MAF: variants seen among roughly 807,000 people sequenced by gnomAD.
MAF encodes the protein MAF bZIP transcription factor, also known as transcription factor Maf.
A neutral mutation model predicts 22.0 loss-of-function variants in MAF; 10 were observed. That is an observed-to-expected ratio of 0.45 (90% CI 0.28 to 0.77). MAF has a LOEUF of 0.77. Ranked by LOEUF, MAF falls within the 30% of genes least tolerant of loss-of-function variation. The probability of loss-of-function intolerance (pLI) is 0.12; values close to 1 mark genes in which losing one functional copy is unlikely to be tolerated. For synonymous variants in MAF, 337 were observed against 255.8 expected (o/e 1.32, Z -3.03); for missense variants, 544 against 548.4 (o/e 0.99, Z 0.08).
chr16:79,213,121 C>T, the MAF span, among the ~76,000 whole-genome samples: 1 of 152,136 alleles, frequency 6.6e-6, no homozygotes. Context: ...GATTTCCAGC[C>T]CGTTCCAGCA....
the MAF span, among the ~76,000 whole-genome samples, chr16:79,491,480 C>A: frequency 1.0e-3 from 153 of 152,228 alleles, no homozygotes; most frequent in Middle Eastern, 6.8e-3. Context: ...GAGTCCCAGT[C>A]AATTCTGAAG....
chr16:79,392,249 G>C, the MAF span, among the ~76,000 whole-genome samples: 1 of 147,914 alleles, frequency 6.8e-6, no homozygotes, highest in Non-Finnish European at 1.5e-5. Flanking sequence ...AGAGGAGAAA[G>C]AGAGAAAAGA....
chr16:79,369,237 A>C, the MAF span, among the ~76,000 whole-genome samples: 1 of 152,172 alleles, frequency 6.6e-6, no homozygotes, highest in Non-Finnish European at 1.5e-5. Flanking sequence ...AGATCCATTA[A>C]ATGATTTGGG....
rs1348434035 is a variant in MAF at position 79,599,177 on chromosome 16, C to T, written c.726G>A (p.Ala242=). The change falls in exon 1 of 2, where the codon GCG becomes GCA. Residue 242 remains alanine, a synonymous_variant. Coordinates refer to ENST00000326043, the MANE Select transcript of MAF (RefSeq NM_005360.5). ...CGTGGTGCGGGTGCAGGGCGCCCCC[C>T]GCCCCCGCCGCGCCCCCGCCGCCTC... is the stretch of plus-strand genomic sequence containing the variant. The part of the protein sequence containing the change: ...GGGGGGGAAG[A]GGALHPHHAA... The T allele has an allele frequency of 6.8e-6, 8 of 1,178,990 alleles. No individual in the cohort carries two copies. The Middle Eastern group carries it at 1.0e-3, about 150-fold the overall frequency. 73.0% of individuals were successfully genotyped at this position (1,178,990 alleles called of 1,614,324 possible). A position where few individuals can be genotyped will look rare whatever the true frequency, so the allele number is the denominator to read the frequency against.
the MAF span, chr16:79,505,519 C>T: frequency 5.9e-5 from 9 of 152,170 alleles, no homozygotes; most frequent in African/African-American, 2.2e-4. Context: ...CCAGTATGTC[C>T]GGAAGCTCTT....
chr16:79,376,124 C>CA, the MAF span, among the ~76,000 whole-genome samples: 189 of 149,568 alleles, frequency 1.3e-3, 1 homozygote, highest in Non-Finnish European at 1.8e-3. Context: ...AAAAAAAGAG[C>CA]AAAAAAAAAT....
the MAF span, among the ~76,000 whole-genome samples, chr16:79,468,336 T>G: frequency 6.6e-6 from 1 of 152,186 alleles, no homozygotes; most frequent in African/African-American, 2.4e-5. Flanking sequence ...GGGATGCCCC[T>G]GCCTGTGTCC....
At chr16:79,243,528 T>G in the MAF span, among the ~76,000 whole-genome samples, 5 of 152,010 alleles carry the variant, frequency 3.3e-5, no homozygotes, top group East Asian at 9.6e-4. Context: ...AGAAGTAGAA[T>G]CCCTGAATAG....
At chr16:79,543,259 T>C in the MAF span, among the ~76,000 whole-genome samples, 4 of 152,330 alleles carry the variant, frequency 2.6e-5, no homozygotes, top group South Asian at 8.3e-4. Context: ...CCCAGTATCT[T>C]GGAGACAGGC....
In MAF at chr16:79,599,813, A is replaced by G; in HGVS notation, c.90T>C (p.Phe30=). 6.2e-7 allele frequency: 1 copy of G among 1,612,756 alleles called. No homozygotes were observed. Among genetic ancestry groups the G allele is most frequent in the Non-Finnish European group, 8.5e-7 (1 of 1,179,918 alleles). ...EYVNDFDLMK[F]EVKKEPVETD... ...TCTCCACCGGTTCCTTTTTCACTTCAAACTTCATCAGATCGAAGTCATTAA... is the reference window on the plus strand; with the variant it reads ...TCTCCACCGGTTCCTTTTTCACTTCGAACTTCATCAGATCGAAGTCATTAA... The change falls in exon 1 of 2, where the codon TTT becomes TTC. Residue 30 remains phenylalanine, a synonymous_variant. Transcript: ENST00000326043.
At chr16:79,507,570 G>C in the MAF span, among the ~76,000 whole-genome samples, 1 of 151,690 alleles carries the variant, frequency 6.6e-6, no homozygotes, top group Non-Finnish European at 1.5e-5. Context: ...GACTACAGGC[G>C]CCCACCACCA....
chr16:79,350,934 A>T, the MAF span, among the ~76,000 whole-genome samples: 31 of 150,698 alleles, frequency 2.1e-4, no homozygotes, highest in Non-Finnish European at 3.5e-4. Context: ...TAGACTTACT[A>T]TGTGCTCAAG....
the MAF span, among the ~76,000 whole-genome samples, chr16:79,475,147 A>G: frequency 6.6e-6 from 1 of 152,144 alleles, no homozygotes; most frequent in Admixed American, 6.5e-5. Context: ...CCTTTGTGGC[A>G]TCTCATAATA....
chr16:79,460,134 G>A, the MAF span, among the ~76,000 whole-genome samples: 7 of 151,872 alleles, frequency 4.6e-5, no homozygotes, highest in African/African-American at 1.4e-4. Flanking sequence ...TTTCGAAAGT[G>A]TTGCAAATAT....
the MAF span, among the ~76,000 whole-genome samples, chr16:79,416,158 G>A: frequency 6.6e-6 from 1 of 152,150 alleles, no homozygotes; most frequent in Non-Finnish European, 1.5e-5. Flanking sequence ...TGGAAGTGGG[G>A]CGATTGCTCA....
chr16:79,332,089 G>A, the MAF span, among the ~76,000 whole-genome samples: 3 of 152,064 alleles, frequency 2.0e-5, no homozygotes, highest in South Asian at 2.1e-4. Context: ...CACATGTTAG[G>A]TACTCGATAA....
the MAF span, among the ~76,000 whole-genome samples, chr16:79,381,648 G>T: frequency 6.6e-6 from 1 of 152,294 alleles, no homozygotes; most frequent in East Asian, 1.9e-4. Flanking sequence ...GGGGGCCCAT[G>T]TTCCACTTTG....
chr16:79,485,424 T>A, the MAF span, among the ~76,000 whole-genome samples: 2 of 152,184 alleles, frequency 1.3e-5, no homozygotes, highest in Non-Finnish European at 2.9e-5. Context: ...TTTATTTATT[T>A]TTTACACAGA....
the MAF span, among the ~76,000 whole-genome samples, chr16:79,211,358 C>G: frequency 6.6e-6 from 1 of 152,152 alleles, no homozygotes; most frequent in Non-Finnish European, 1.5e-5. Context: ...TTTTCCAAGC[C>G]TGTCCCTGTA....
Sources: gnomAD v4.1 joint callset for allele counts (sites outside exome capture counted in the v4.1 genomes callset) on GRCh38, gnomAD v4.1.1 for gene constraint, MANE v1.5 for transcripts, NCBI Gene and HGNC (gene_info 2026-07-23, HGNC 2026-07-21) for gene names.